The following NFATC2 variants were observed in gnomAD, a reference collection of about 807,000 sequenced individuals.
NFATC2 encodes the protein nuclear factor of activated T cells 2.
In NFATC2, 22 loss-of-function variants were observed where a neutral mutation model predicts 87.3. That is an observed-to-expected ratio of 0.25 (90% CI 0.18 to 0.36). NFATC2 has a LOEUF of 0.36. Among genes scored for constraint, NFATC2 ranks in the 10% least tolerant of loss-of-function variants. The pLI is 1.00. For missense variants in NFATC2, 1,149 were observed against 1,259.1 expected, an observed-to-expected ratio of 0.91 and a Z score of 1.32; for synonymous variants, 565 against 542.2, an observed-to-expected ratio of 1.04 and a Z score of -0.58.
chr20:51,495,744 A>C (rs2075977595), intron 3 of NFATC2, among the ~76,000 whole-genome samples: 1 of 152,140 alleles, frequency 6.6e-6, no homozygotes, highest in African/African-American at 2.4e-5. Flanking sequence ...ACCCACATGC[A>C]CACCCCCAGG....
At chr20:51,460,605 G>A (rs758425999) in intron 5 of NFATC2, among the ~76,000 whole-genome samples, 3 of 150,100 alleles carry the variant, frequency 2.0e-5, no homozygotes, top group Non-Finnish European at 3.0e-5. Context: ...TGCTGTTCTC[G>A]GTGAATCCTG....
Position 51,473,987 on chromosome 20 carries a change from G to A in NFATC2, c.1701C>T (p.Ile567=), listed in dbSNP as rs770275747. Residue 567 remains isoleucine (I), a synonymous_variant, in exon 5 of 11, where the codon ATC becomes ATT. Coordinates refer to ENST00000371564, the MANE Select transcript of NFATC2 (RefSeq NM_012340.5). ...CCCCAGGGCCCAACTTACAGCACTC[G>A]ATGGGGTTAGATGCAGTCTGTAAAG... ...IVSLQTASNP[I]ECSQRSAHEL... 1.7e-5 allele frequency: 28 copies of A among 1,613,538 alleles called. No homozygotes were observed. The highest frequency in any genetic ancestry group is 3.3e-5 in the Admixed American group (2 of 59,956).
At chr20:51,488,213 C>G (rs2075817091) in intron 3 of NFATC2, among the ~76,000 whole-genome samples, 1 of 152,154 alleles carries the variant, frequency 6.6e-6, no homozygotes, top group East Asian at 1.9e-4. Context: ...TGAAGGCTGT[C>G]CTTCAGGATT....
intron 3 of NFATC2, among the ~76,000 whole-genome samples, chr20:51,500,155 G>A (rs1420145947): frequency 6.6e-6 from 1 of 152,034 alleles, no homozygotes; most frequent in Non-Finnish European, 1.5e-5. Flanking sequence ...TGGCACGTAG[G>A]AATCCCTCAA....
chr20:51,440,235 T>TAAAAAA, intron 6 of NFATC2, among the ~76,000 whole-genome samples: 2 of 12,894 alleles, frequency 1.6e-4, no homozygotes, highest in Non-Finnish European at 2.4e-4. Context: ...AAACTCCATC[T>TAAAAAA]CAAAAAAAAA....
In NFATC2 at chr20:51,476,499, T is replaced by C. The variant is rs575622211; in HGVS notation, c.1333-839A>G. On this transcript the variant is annotated intron_variant, in intron 3 of 10. Coordinates refer to ENST00000371564, the MANE Select transcript of NFATC2 (RefSeq NM_012340.5). Reference sequence around the variant, plus strand: ...AGATTCCCTGGCCATCTATTTAGAATTGAATCCTAATCCCAATGGCTTTCC... The same window carrying C: ...AGATTCCCTGGCCATCTATTTAGAACTGAATCCTAATCCCAATGGCTTTCC... 5.3e-5 allele frequency among the ~76,000 whole-genome samples: 8 copies of C among 152,172 alleles called. No individual in the cohort carries two copies. The South Asian group carries it at 1.7e-3, about 32-fold the overall frequency.
At chr20:51,491,031 C>T (rs1420367054) in intron 3 of NFATC2, among the ~76,000 whole-genome samples, 1 of 152,158 alleles carries the variant, frequency 6.6e-6, no homozygotes, top group Non-Finnish European at 1.5e-5. Flanking sequence ...AAGAGGTGCT[C>T]AGCAAACCTC....
intron 10 of NFATC2, among the ~76,000 whole-genome samples, chr20:51,396,827 G>A (rs1452242067): frequency 6.6e-6 from 1 of 152,146 alleles, no homozygotes; most frequent in Non-Finnish European, 1.5e-5. Flanking sequence ...GGGATCTTCT[G>A]CCTTTGGTCC....
rs547485277 is a variant in NFATC2 at position 51,415,359 on chromosome 20, T to A, written c.2723-16629A>T. 3.3e-5 allele frequency among the ~76,000 whole-genome samples: 5 copies of A among 152,330 alleles called. No individual in the cohort carries two copies. In the East Asian group the frequency reaches 9.6e-4, roughly 29 times the overall value. ...TATTAACAGACATTTAGCCTGTTTC[T>A]AGTCTCCTGCTACTATAGACAAGGC... On this transcript the variant is annotated intron_variant, in intron 9 of 10. Transcript: ENST00000371564.
In NFATC2 at chr20:51,475,506, G is replaced by C; in HGVS notation, c.1487C>G (p.Thr496Ser). 1 of 1,614,072 alleles carries C rather than the reference G, an allele frequency of 6.2e-7. No homozygotes were observed. Among genetic ancestry groups the C allele is most frequent in the South Asian group, 1.1e-5 (1 of 91,062 alleles). Residue 496 changes from threonine (T) to serine (S), a missense_variant, in exon 4 of 11, where the codon ACC becomes AGC. Physicochemically the swap from Thr to Ser is moderately conservative, Grantham distance 58 (BLOSUM62 1). This residue lies in a region of NFATC2 where 581 missense variants were observed against 649.7 expected (regional missense o/e 0.89). Transcript: ENST00000371564. Reference protein sequence around the residue: ...TTSYEKIVGNTKVLEIPLEPK... With the variant: ...TTSYEKIVGNSKVLEIPLEPK... ...CTCCAAGGGTATCTCCAGGACTTTG[G>C]TGTTGCCCACTATCTTCTCATAGCT...
intron 9 of NFATC2, among the ~76,000 whole-genome samples, chr20:51,402,677 T>G (rs1988177467): frequency 6.6e-6 from 1 of 152,202 alleles, no homozygotes. Context: ...TTTTAAGACA[T>G]TTGAGTATAT....
At chr20:51,459,210 TACTC>T (rs1166302727) in intron 5 of NFATC2, among the ~76,000 whole-genome samples, 2 of 152,206 alleles carry the variant, frequency 1.3e-5, no homozygotes. Context: ...TGCAGAATAT[TACTC>T]AGTCATGAAA....
intron 5 of NFATC2, among the ~76,000 whole-genome samples, chr20:51,466,338 C>A (rs1228800474): frequency 6.6e-6 from 1 of 152,176 alleles, no homozygotes; most frequent in Non-Finnish European, 1.5e-5. Context: ...CAGGCATGAG[C>A]CACCACACCT....
chr20:51,475,804 C>T (rs564083236), intron 3 of NFATC2, 144 bp from the exon 4 acceptor site: 3 of 780,908 alleles, frequency 3.8e-6, no homozygotes, highest in Non-Finnish European at 6.1e-6. Flanking sequence ...CTGGAAACAA[C>T]CTTGATGTCC....
intron 1 of NFATC2, among the ~76,000 whole-genome samples, chr20:51,556,804 A>G (rs868168094): frequency 1.8e-4 from 27 of 152,078 alleles, no homozygotes; most frequent in African/African-American, 6.0e-4. Context: ...GGAAAGAAAC[A>G]CCCAGCTGGG....
At chr20:51,466,167 C>T (rs1987667879) in intron 5 of NFATC2, among the ~76,000 whole-genome samples, 1 of 152,188 alleles carries the variant, frequency 6.6e-6, no homozygotes, top group African/African-American at 2.4e-5. Context: ...ATTCTCCTGC[C>T]TCAGCCTCCA....
chr20:51,467,114 A>G (rs953963306), intron 5 of NFATC2, among the ~76,000 whole-genome samples: 6 of 152,042 alleles, frequency 3.9e-5, no homozygotes, highest in Non-Finnish European at 8.8e-5. Context: ...ACCTGAAAAT[A>G]AACAGGTAAG....
At chr20:51,556,438 G>A (rs1015130315) in intron 1 of NFATC2, among the ~76,000 whole-genome samples, 8 of 152,056 alleles carry the variant, frequency 5.3e-5, no homozygotes, top group Admixed American at 4.6e-4. Context: ...GGTCCTTGAC[G>A]GCATCTGAAG....
At chr20:51,544,248 A>G (rs1016508212), upstream of NFATC2, among the ~76,000 whole-genome samples, 2 of 151,958 alleles carry the variant, frequency 1.3e-5, no homozygotes, top group Non-Finnish European at 2.9e-5. Context: ...CGGCCTCCCC[A>G]AGTGCTGGGA....
Sources: gnomAD v4.1 joint callset for allele counts (sites outside exome capture counted in the v4.1 genomes callset) on GRCh38, gnomAD v4.1.1 for gene constraint, gnomAD v4.1.1 regional missense constraint, MANE v1.5 for transcripts, NCBI Gene and HGNC (gene_info 2026-07-23, HGNC 2026-07-21) for gene names.